Variants in RNF111 observed in about 807,000 individuals in gnomAD.
The protein encoded by RNF111 is E3 ubiquitin-protein ligase Arkadia.
RNF111 carries 17 observed loss-of-function variants against 95.1 expected under a neutral mutation model. That is an observed-to-expected ratio of 0.18 (90% confidence interval 0.12 to 0.27). The LOEUF (loss-of-function observed/expected upper bound fraction) is 0.27, where lower values mean the gene tolerates loss of function less well. RNF111 is among the 10% of genes least tolerant of loss of function. RNF111 has a pLI of 1.00. For missense variants in RNF111, 1,189 were observed against 1,210.4 expected (o/e 0.98, Z 0.26); for synonymous variants, 440 against 414.8 (o/e 1.06, Z -0.74).
intron 1 of RNF111, among the ~76,000 whole-genome samples, chr15:59,011,808 G>C (rs1324599083): frequency 6.6e-6 from 1 of 151,936 alleles, no homozygotes; most frequent in Non-Finnish European, 1.5e-5. Flanking sequence ...CTGGGTGTTA[G>C]GACTTCAACG....
chr15:58,992,628 G>A (rs141959456), intron 1 of RNF111, among the ~76,000 whole-genome samples: 10 of 151,960 alleles, frequency 6.6e-5, no homozygotes, highest in African/African-American at 2.2e-4. Flanking sequence ...GACTAGGCTG[G>A]GCAATGTGAC....
At chr15:59,067,105 C>T in intron 6 of RNF111, 22 bp downstream of exon 6, 2 of 1,584,906 alleles carry the variant, frequency 1.3e-6, no homozygotes, top group African/African-American at 1.3e-5. Context: ...TTGAGTCAGT[C>T]TTTCTTTCCT....
chr15:59,045,191 CT>C lies in RNF111; in HGVS notation c.881-7100del, dbSNP rs1174976804. Among the ~76,000 whole-genome samples the C allele has an allele frequency of 8.0e-3, 1,107 of 138,370 alleles. 2 individuals are homozygous for C. The highest frequency in any genetic ancestry group is 0.013 in the Non-Finnish European group (819 of 63,480). The allele number at this position is 138,370 out of a possible 152,430, so 90.8% of individuals were successfully genotyped here. A position where few individuals can be genotyped will look rare whatever the true frequency, so the allele number is the denominator to read the frequency against. ...CAGTTTTTTTTTTTAAGTGTTTCCTCTTTTTTTTTTTTTTGAGACAGAGTTT... is the reference window on the plus strand; with the variant it reads ...CAGTTTTTTTTTTTAAGTGTTTCCTCTTTTTTTTTTTTTGAGACAGAGTTT... On this transcript the variant is annotated intron_variant, in intron 2 of 13. Coordinates refer to ENST00000348370, the MANE Select transcript of RNF111 (RefSeq NM_017610.8).
intron 1 of RNF111, among the ~76,000 whole-genome samples, chr15:59,007,517 G>T (rs2039596297): frequency 6.6e-6 from 1 of 152,106 alleles, no homozygotes; most frequent in Non-Finnish European, 1.5e-5. Context: ...TGAGTAAAGC[G>T]ATGAACATTC....
intron 10 of RNF111, among the ~76,000 whole-genome samples, chr15:59,087,964 G>A (rs746155694): frequency 6.6e-6 from 1 of 152,124 alleles, no homozygotes; most frequent in Non-Finnish European, 1.5e-5. Flanking sequence ...GATTACGTAC[G>A]GTAAGGAAGT....
At chr15:59,086,285 A>G (rs1223911103) in intron 10 of RNF111, among the ~76,000 whole-genome samples, 1 of 151,802 alleles carries the variant, frequency 6.6e-6, no homozygotes, top group East Asian at 1.9e-4. Flanking sequence ...ATGCCTGGCT[A>G]ATTTTTGTAT....
At chr15:59,091,518 T>C (rs2140246015) in intron 12 of RNF111, among the ~76,000 whole-genome samples, 1 of 152,322 alleles carries the variant, frequency 6.6e-6, no homozygotes, top group East Asian at 1.9e-4. Context: ...CTCCCACAGA[T>C]CACCCTTATT....
chr15:59,031,382 C>A lies in RNF111; in HGVS notation c.560C>A (p.Thr187Asn), dbSNP rs2040898048. The A allele has an allele frequency of 6.2e-7, 1 of 1,614,166 alleles. No individual in the cohort carries two copies. Among genetic ancestry groups the A allele is most frequent in the Non-Finnish European group, 8.5e-7 (1 of 1,180,038 alleles). ...GCACGGTCTCATAAGTGGCCTCGGA[C>A]TGAGACAGAATCTGTATCGGGATTG... ...HSARSHKWPRTETESVSGLLM... is the reference protein window; with the variant it reads ...HSARSHKWPRNETESVSGLLM... The change falls in exon 2 of 14, where the codon ACT becomes AAT. Residue 187 changes from threonine (T) to asparagine (N), a missense_variant. Thr to Asn is a moderately conservative substitution (Grantham distance 65, BLOSUM62 0). This residue lies in a region of RNF111 where 1,024 missense variants were observed against 925.9 expected (regional missense o/e 1.11). Transcript: ENST00000348370.
At chr15:59,025,024 T>C (rs2040530119) in intron 1 of RNF111, among the ~76,000 whole-genome samples, 1 of 152,254 alleles carries the variant, frequency 6.6e-6, no homozygotes, top group South Asian at 2.1e-4. Flanking sequence ...CTGAATACTA[T>C]TTCATTGTAC....
intron 1 of RNF111, among the ~76,000 whole-genome samples, chr15:59,009,120 G>T (rs1371760255): frequency 6.6e-6 from 1 of 152,116 alleles, no homozygotes; most frequent in Admixed American, 6.6e-5. Context: ...ACCATGTCCA[G>T]CTAATTTTTT....
At chr15:59,009,969 A>G (rs759055673) in intron 1 of RNF111, among the ~76,000 whole-genome samples, 7 of 152,156 alleles carry the variant, frequency 4.6e-5, no homozygotes, top group Admixed American at 1.3e-4. Flanking sequence ...CAAACAAACA[A>G]AAATTAAAAT....
chr15:59,012,716 T>C (rs1161701603), intron 1 of RNF111, among the ~76,000 whole-genome samples: 2 of 151,882 alleles, frequency 1.3e-5, no homozygotes, highest in African/African-American at 4.8e-5. Context: ...CCCTTTCTTT[T>C]CTCATGGTGG....
At chr15:59,071,311 AAAAAAAG>A (rs1244210480) in intron 6 of RNF111, among the ~76,000 whole-genome samples, 8 of 151,420 alleles carry the variant, frequency 5.3e-5, no homozygotes, top group Non-Finnish European at 1.2e-4. Context: ...AAAAAAAAAA[AAAAAAAG>A]AATACGAAGA....
chr15:58,988,154 G>A (rs546074633), intron 1 of RNF111, 86 bp downstream of exon 1: 1 of 152,530 alleles, frequency 6.6e-6, no homozygotes, highest in African/African-American at 2.4e-5. Context: ...GGAGAAAGAG[G>A]AAGGGCTGCG....
intron 2 of RNF111, among the ~76,000 whole-genome samples, chr15:59,045,957 A>G (rs1199069686): frequency 1.3e-5 from 2 of 152,166 alleles, no homozygotes; most frequent in Non-Finnish European, 2.9e-5. Context: ...TTAAAAATGC[A>G]TTTTACCTCA....
At chr15:59,090,221 T>A (rs1380467398) in intron 11 of RNF111, among the ~76,000 whole-genome samples, 8 of 151,954 alleles carry the variant, frequency 5.3e-5, no homozygotes, top group Non-Finnish European at 8.8e-5. Flanking sequence ...TGTTTGTTTG[T>A]TTGTTTGTTT....
chr15:58,996,129 A>G (rs1044370461), intron 1 of RNF111, among the ~76,000 whole-genome samples: 10 of 152,098 alleles, frequency 6.6e-5, no homozygotes, highest in African/African-American at 2.4e-4. Context: ...AATTGTGATC[A>G]TATGAAATGA....
chr15:59,085,493 A>G, intron 9 of RNF111, 166 bp from the exon 10 acceptor site: 1 of 497,626 alleles, frequency 2.0e-6, no homozygotes, highest in South Asian at 7.3e-5. Flanking sequence ...CAGTTCTAAA[A>G]TAAATTTGAA....
chr15:58,999,354 T>A (rs897305118), intron 1 of RNF111, among the ~76,000 whole-genome samples: 1 of 152,232 alleles, frequency 6.6e-6, no homozygotes, highest in Non-Finnish European at 1.5e-5. Context: ...TTGTTTGTTT[T>A]TGAGACGGAG....
Sources: allele counts gnomAD v4.1 joint callset (sites outside exome capture counted in the v4.1 genomes callset), GRCh38; gene constraint gnomAD v4.1.1; regional missense constraint gnomAD v4.1.1; transcripts MANE v1.5; gene names NCBI Gene and HGNC (gene_info 2026-07-23, HGNC 2026-07-21).